The following ELAPOR2 variants were observed in gnomAD, a reference collection of about 807,000 sequenced individuals.
The protein encoded by ELAPOR2 is endosome/lysosome-associated apoptosis and autophagy regulator family member 2.
A neutral mutation model predicts 120.7 loss-of-function variants in ELAPOR2; 89 were observed. The ratio of observed to expected loss-of-function variants is 0.74; its 90% confidence interval spans 0.62 to 0.88. ELAPOR2 has a LOEUF of 0.88. Ranked by LOEUF, ELAPOR2 falls within the 40% of genes least tolerant of loss-of-function variation. The probability of loss-of-function intolerance (pLI) is 0.00; values close to 1 mark genes in which losing one functional copy is unlikely to be tolerated. For synonymous variants in ELAPOR2, 444 were observed against 444.9 expected (o/e 1.00, Z 0.03); for missense variants, 1,134 against 1,251.6 (o/e 0.91, Z 1.42).
At chr7:86,885,067 A>T (rs1005024478) in intron 21 of ELAPOR2, among the ~76,000 whole-genome samples, 1 of 152,142 alleles carries the variant, frequency 6.6e-6, no homozygotes, top group Non-Finnish European at 1.5e-5. Context: ...AGAATGAGAA[A>T]CTGATCCAAA....
At chr7:87,015,142 CAA>C (rs1014484651) in intron 1 of ELAPOR2, among the ~76,000 whole-genome samples, 1 of 152,076 alleles carries the variant, frequency 6.6e-6, no homozygotes, top group Non-Finnish European at 1.5e-5. Context: ...TAGAATATTA[CAA>C]AGTCTGTCTT....
At chr7:86,967,358 G>C (rs1476312782) in intron 1 of ELAPOR2, among the ~76,000 whole-genome samples, 1 of 152,032 alleles carries the variant, frequency 6.6e-6, no homozygotes, top group African/African-American at 2.4e-5. Context: ...GTGAGGCTGG[G>C]GCATGAGAAT....
chr7:86,881,662 T>C (rs920887413), intron 21 of ELAPOR2, among the ~76,000 whole-genome samples: 15 of 152,120 alleles, frequency 9.9e-5, no homozygotes, highest in Non-Finnish European at 1.9e-4. Context: ...GACCACCTAA[T>C]TTTTATATTT....
chr7:86,982,765 A>G (rs1633458), intron 1 of ELAPOR2, among the ~76,000 whole-genome samples: 57,322 of 151,858 alleles, frequency 0.38, 11,631 homozygotes, highest in African/African-American at 0.53. Flanking sequence ...TCTAAAAAAC[A>G]GAGCACCTCT....
intron 1 of ELAPOR2, among the ~76,000 whole-genome samples, chr7:86,990,059 T>A (rs1792891256): frequency 6.6e-6 from 1 of 151,890 alleles, no homozygotes; most frequent in Non-Finnish European, 1.5e-5. Context: ...TATTTTTATT[T>A]TTTTTGAGAC....
intron 2 of ELAPOR2, among the ~76,000 whole-genome samples, chr7:86,959,144 G>A (rs978528701): frequency 2.0e-5 from 3 of 152,094 alleles, no homozygotes; most frequent in Admixed American, 6.6e-5. Context: ...GTATAGAAAT[G>A]CAACTGTTTA....
intron 1 of ELAPOR2, among the ~76,000 whole-genome samples, chr7:87,052,077 A>C (rs1362740051): frequency 6.6e-6 from 1 of 152,244 alleles, no homozygotes; most frequent in East Asian, 1.9e-4. Flanking sequence ...AGCAGGAAGT[A>C]AGCTAGGGTG....
At chr7:87,020,686 T>G (rs1490931561) in intron 1 of ELAPOR2, among the ~76,000 whole-genome samples, 1 of 152,124 alleles carries the variant, frequency 6.6e-6, no homozygotes, top group African/African-American at 2.4e-5. Flanking sequence ...AGTGTTACAA[T>G]GCACACTTTA....
At chr7:86,975,928 C>CA (rs770369207) in intron 1 of ELAPOR2, among the ~76,000 whole-genome samples, 1 of 151,972 alleles carries the variant, frequency 6.6e-6, no homozygotes, top group Non-Finnish European at 1.5e-5. Flanking sequence ...GTTCAGAATG[C>CA]AAAAAACTAC....
At chr7:86,889,626 C>T (rs1196096525) in intron 21 of ELAPOR2, among the ~76,000 whole-genome samples, 1 of 152,010 alleles carries the variant, frequency 6.6e-6, no homozygotes, top group Non-Finnish European at 1.5e-5. Flanking sequence ...GAGGAGCACA[C>T]AATTTAAAAC....
intron 18 of ELAPOR2, among the ~76,000 whole-genome samples, chr7:86,901,402 G>A (rs1788718762): frequency 6.6e-6 from 1 of 152,140 alleles, no homozygotes. Flanking sequence ...AGCTATTAGT[G>A]TCTTCTTTTA....
chr7:86,976,190 A>C (rs751314322), intron 1 of ELAPOR2, among the ~76,000 whole-genome samples: 1 of 152,186 alleles, frequency 6.6e-6, no homozygotes, highest in Non-Finnish European at 1.5e-5. Context: ...CAGGGACTTC[A>C]GCTGTGCAAA....
intron 1 of ELAPOR2, among the ~76,000 whole-genome samples, chr7:86,988,052 A>G (rs1399434325): frequency 1.3e-5 from 2 of 152,214 alleles, no homozygotes; most frequent in South Asian, 2.1e-4. Flanking sequence ...TTGCAGCGAC[A>G]TGGAGGAAGC....
chr7:86,963,132 T>C (rs1012209292), intron 2 of ELAPOR2, among the ~76,000 whole-genome samples: 1 of 152,172 alleles, frequency 6.6e-6, no homozygotes, highest in African/African-American at 2.4e-5. Context: ...TGAAGTATTA[T>C]CAGAAAAGTA....
intron 1 of ELAPOR2, among the ~76,000 whole-genome samples, chr7:87,046,314 A>T (rs948911538): frequency 9.2e-5 from 14 of 152,346 alleles, no homozygotes; most frequent in Non-Finnish European, 1.9e-4. Flanking sequence ...CCACCAAAAA[A>T]TGGGAAAATA....
At chr7:87,024,425 T>C (rs1421919666) in intron 1 of ELAPOR2, among the ~76,000 whole-genome samples, 5 of 152,178 alleles carry the variant, frequency 3.3e-5, no homozygotes, top group Admixed American at 3.3e-4. Context: ...CACTTGATCA[T>C]GGTGGATAAG....
At chr7:86,986,964 A>G (rs1373667071) in intron 1 of ELAPOR2, among the ~76,000 whole-genome samples, 2 of 150,792 alleles carry the variant, frequency 1.3e-5, no homozygotes, top group Non-Finnish European at 2.9e-5. Context: ...GGCTACAGTA[A>G]CCAAAACAGC....
At chr7:86,995,733 A>G (rs530229919) in intron 1 of ELAPOR2, among the ~76,000 whole-genome samples, 38 of 152,342 alleles carry the variant, frequency 2.5e-4, no homozygotes, top group Middle Eastern at 3.4e-3. Context: ...ACAAGCGAAT[A>G]AACTTGAAGG....
At chr7:86,969,283 T>C (rs1792024577) in intron 1 of ELAPOR2, among the ~76,000 whole-genome samples, 1 of 152,162 alleles carries the variant, frequency 6.6e-6, no homozygotes, top group Non-Finnish European at 1.5e-5. Flanking sequence ...AAAAGCTGCA[T>C]GGTGCTCACT....
Sources: allele counts gnomAD v4.1 joint callset (sites outside exome capture counted in the v4.1 genomes callset), GRCh38; gene constraint gnomAD v4.1.1; transcripts MANE v1.5; gene names NCBI Gene and HGNC (gene_info 2026-07-23, HGNC 2026-07-21).